Variants in STXBP4 observed in about 807,000 individuals in gnomAD.
The protein encoded by STXBP4 is syntaxin-binding protein 4.
Under a neutral mutation model 76.1 loss-of-function variants are expected in STXBP4, and 55 were observed. The ratio of observed to expected loss-of-function variants is 0.72; its 90% CI spans 0.58 to 0.91. The LOEUF (loss-of-function observed/expected upper bound fraction) is 0.91. Ranked by LOEUF, STXBP4 falls within the 40% of genes least tolerant of loss-of-function variation. The probability of loss-of-function intolerance (pLI) is 0.00; values close to 1 mark genes in which losing one functional copy is unlikely to be tolerated. For synonymous variants in STXBP4, 201 were observed against 220.2 expected, an observed-to-expected ratio of 0.91 and a Z score of 0.77; for missense variants, 618 against 636.9, an observed-to-expected ratio of 0.97 and a Z score of 0.32.
At chr17:55,191,069 A>T in the STXBP4 span, among the ~76,000 whole-genome samples, 1 of 152,240 alleles carries the variant, frequency 6.6e-6, no homozygotes, top group East Asian at 1.9e-4. Flanking sequence ...GTATCTTCAT[A>T]TTCCAATTTT....
At chr17:54,973,502 G>A (rs1025413578) in intron 1 of STXBP4, among the ~76,000 whole-genome samples, 18 of 152,174 alleles carry the variant, frequency 1.2e-4, no homozygotes, top group African/African-American at 3.4e-4. Flanking sequence ...GTCAGAGACC[G>A]AGGTTATAAC....
intron 16 of STXBP4, among the ~76,000 whole-genome samples, chr17:55,115,388 C>T (rs1053587714): frequency 1.3e-5 from 2 of 151,746 alleles, no homozygotes; most frequent in Admixed American, 1.3e-4. Context: ...AGAGAAAAAG[C>T]TCACCTGTTT....
At chr17:55,051,139 GA>G (rs1395800853) in intron 12 of STXBP4, among the ~76,000 whole-genome samples, 3 of 152,154 alleles carry the variant, frequency 2.0e-5, no homozygotes, top group Non-Finnish European at 4.4e-5. Context: ...ATACAGGAAA[GA>G]GTGACACTTC....
chr17:55,067,869 A>G (rs1412908472), intron 12 of STXBP4, among the ~76,000 whole-genome samples: 1 of 152,132 alleles, frequency 6.6e-6, no homozygotes, highest in Non-Finnish European at 1.5e-5. Context: ...ATTACTGGTT[A>G]GGTAAGGAGG....
chr17:55,125,430 G>A (rs2079898462), intron 16 of STXBP4, among the ~76,000 whole-genome samples: 1 of 126,270 alleles, frequency 7.9e-6, no homozygotes, highest in African/African-American at 3.1e-5. Flanking sequence ...GTAAGTTCCT[G>A]ACAGACTAAC....
At chr17:54,970,643 C>T (rs1206234697) in intron 1 of STXBP4, among the ~76,000 whole-genome samples, 1 of 152,156 alleles carries the variant, frequency 6.6e-6, no homozygotes, top group African/African-American at 2.4e-5. Flanking sequence ...GATGAGATTT[C>T]TCAAAGTTTA....
At chr17:55,070,731 T>C (rs1056881955) in intron 12 of STXBP4, among the ~76,000 whole-genome samples, 2 of 152,050 alleles carry the variant, frequency 1.3e-5, no homozygotes, top group African/African-American at 4.8e-5. Flanking sequence ...TTTTTATCCA[T>C]TACTCCCCTA....
rs148179338 is a variant in STXBP4, at chr17:55,108,624, C to T, written c.1489+27441C>T. 7.2e-3 allele frequency among the ~76,000 whole-genome samples: 1,090 copies of T among 152,278 alleles called. 16 individuals are homozygous for T. The highest frequency in any genetic ancestry group is 0.025 in the African/African-American group (1,031 of 41,550). ...CTGGGCTGGAATGCACCGTTCCTCA[C>T]GGCACAGTCCCTCGTGGCTTTCCTT... On this transcript the variant is annotated intron_variant, in intron 16 of 17. Coordinates refer to ENST00000376352, the MANE Select transcript of STXBP4 (RefSeq NM_178509.6).
intron 17 of STXBP4, among the ~76,000 whole-genome samples, chr17:55,151,574 G>A (rs1035381684): frequency 6.6e-6 from 1 of 152,172 alleles, no homozygotes; most frequent in Admixed American, 6.5e-5. Context: ...CCATCCCTCT[G>A]TTGGGTATCT....
intron 17 of STXBP4, among the ~76,000 whole-genome samples, chr17:55,146,664 C>T (rs1404986652): frequency 6.6e-6 from 1 of 151,874 alleles, no homozygotes; most frequent in Non-Finnish European, 1.5e-5. Context: ...TTGCAGTGAG[C>T]CAAGATCACA....
At chr17:55,193,336 A>G in the STXBP4 span, among the ~76,000 whole-genome samples, 1 of 152,208 alleles carries the variant, frequency 6.6e-6, no homozygotes, top group African/African-American at 2.4e-5. Flanking sequence ...AGGTGAATAC[A>G]TGAAATGAAC....
At chr17:55,114,895 A>G (rs1598325812) in intron 16 of STXBP4, among the ~76,000 whole-genome samples, 2 of 152,006 alleles carry the variant, frequency 1.3e-5, no homozygotes, top group African/African-American at 4.8e-5. Context: ...ATGTTTTGGT[A>G]CTCTTGCAAT....
At chr17:55,204,098 C>T in the STXBP4 span, among the ~76,000 whole-genome samples, 1 of 151,646 alleles carries the variant, frequency 6.6e-6, no homozygotes, top group Non-Finnish European at 1.5e-5. Flanking sequence ...ATGACCTTTT[C>T]ATCATGTTCC....
At chr17:55,043,042 A>G (rs983519864) in intron 10 of STXBP4, among the ~76,000 whole-genome samples, 194 bp from the exon 11 acceptor site, 5 of 152,316 alleles carry the variant, frequency 3.3e-5, no homozygotes, top group African/African-American at 7.2e-5. Context: ...AGTGACAACA[A>G]TGTAAGGTTA....
chr17:55,142,116 A>C (rs2080100581), intron 17 of STXBP4, among the ~76,000 whole-genome samples: 1 of 152,206 alleles, frequency 6.6e-6, no homozygotes, highest in Admixed American at 6.5e-5. Context: ...AGATTCTACT[A>C]TCTGCACTAG....
chr17:55,047,185 CGTGT>C (rs34336794), intron 12 of STXBP4, 31 bp downstream of exon 12: 26,096 of 803,426 alleles, frequency 0.032, 237 homozygotes, highest in Middle Eastern at 0.047. Context: ...TATATGTGCT[CGTGT>C]GTGTGTGTGT....
chr17:55,072,823 C>A, intron 12 of STXBP4, 77 bp from the exon 13 acceptor site: 2 of 1,271,416 alleles, frequency 1.6e-6, no homozygotes, highest in Non-Finnish European at 2.1e-6. Context: ...ACTTCCAGAG[C>A]AAGGAAAATA....
At chr17:55,193,754 A>G in the STXBP4 span, among the ~76,000 whole-genome samples, 91 of 146,756 alleles carry the variant, frequency 6.2e-4, 2 homozygotes, top group South Asian at 0.019. Context: ...GGAACCCTCC[A>G]TCATTTACTT....
intron 10 of STXBP4, among the ~76,000 whole-genome samples, chr17:55,037,997 T>C (rs576672575): frequency 6.6e-6 from 1 of 152,264 alleles, no homozygotes; most frequent in South Asian, 2.1e-4. Context: ...AATCAGTCTG[T>C]AGTTACAGAT....
Sources: gnomAD v4.1 joint callset for allele counts (sites outside exome capture counted in the v4.1 genomes callset) on GRCh38, gnomAD v4.1.1 for gene constraint, MANE v1.5 for transcripts, NCBI Gene and HGNC (gene_info 2026-07-23, HGNC 2026-07-21) for gene names.